Variants in ROBO2 observed in about 807,000 individuals in gnomAD.
ROBO2 encodes the protein roundabout homolog 2.
Under a neutral mutation model 160.8 loss-of-function variants are expected in ROBO2, and 53 were observed. The observed-to-expected ratio is 0.33, with a 90% CI of 0.26 to 0.41. The LOEUF is 0.41. Among genes scored for constraint, ROBO2 ranks in the 10% least tolerant of loss-of-function variants. The pLI is 1.00. For synonymous variants in ROBO2, 664 were observed against 611.7 expected (o/e 1.09, Z -1.26); for missense variants, 1,577 against 1,722.4 (o/e 0.92, Z 1.49).
At chr3:76,220,879 C>A (rs1204139286) in intron 2 of ROBO2, among the ~76,000 whole-genome samples, 3 of 152,188 alleles carry the variant, frequency 2.0e-5, no homozygotes, top group Non-Finnish European at 4.4e-5. Context: ...ACCACCCATT[C>A]TGTATTTCCT....
chr3:75,925,918 A>G (rs566809033), intron 1 of ROBO2, among the ~76,000 whole-genome samples: 56 of 152,340 alleles, frequency 3.7e-4, no homozygotes, highest in African/African-American at 1.3e-3. Context: ...CAAGATGTCT[A>G]ACTTGGTAAT....
At chr3:77,645,410 T>C (rs1034057550) in intron 25 of ROBO2, among the ~76,000 whole-genome samples, 2 of 152,180 alleles carry the variant, frequency 1.3e-5, no homozygotes, top group Non-Finnish European at 2.9e-5. Flanking sequence ...TTTCCATTTA[T>C]GAATGAAAAC....
chr3:76,230,169 C>T (rs1050652835), intron 2 of ROBO2, among the ~76,000 whole-genome samples: 1 of 152,132 alleles, frequency 6.6e-6, no homozygotes, highest in East Asian at 1.9e-4. Flanking sequence ...ACCACACATC[C>T]TTACATCACC....
chr3:77,100,191 AT>A (rs762278067), intron 2 of ROBO2, among the ~76,000 whole-genome samples: 1 of 151,798 alleles, frequency 6.6e-6, no homozygotes, highest in South Asian at 2.1e-4. Flanking sequence ...TGTGACAGTA[AT>A]TTTTTTTATT....
intron 2 of ROBO2, among the ~76,000 whole-genome samples, chr3:76,832,611 G>A (rs558692002): frequency 6.6e-6 from 1 of 152,116 alleles, no homozygotes; most frequent in Non-Finnish European, 1.5e-5. Flanking sequence ...GATGACCGCT[G>A]AAGGGTGGTA....
At chr3:76,403,146 C>T (rs903558528) in intron 2 of ROBO2, among the ~76,000 whole-genome samples, 1 of 151,322 alleles carries the variant, frequency 6.6e-6, no homozygotes, top group Non-Finnish European at 1.5e-5. Context: ...CTGTGGGGGG[C>T]CATTATTATG....
chr3:77,592,066 A>T (rs907883386), intron 17 of ROBO2, among the ~76,000 whole-genome samples: 3 of 152,238 alleles, frequency 2.0e-5, no homozygotes, highest in Admixed American at 6.5e-5. Flanking sequence ...TGAAGCATAA[A>T]GTAAAAAATG....
chr3:76,018,378 T>C (rs2107649613), intron 2 of ROBO2, among the ~76,000 whole-genome samples: 1 of 152,114 alleles, frequency 6.6e-6, no homozygotes, highest in East Asian at 1.9e-4. Flanking sequence ...ATTAAGTATA[T>C]AAGAATTAGC....
At chr3:76,024,716 T>A (rs2066682469) in intron 2 of ROBO2, among the ~76,000 whole-genome samples, 2 of 151,656 alleles carry the variant, frequency 1.3e-5, no homozygotes, top group Non-Finnish European at 3.0e-5. Context: ...TTGTGTTTTC[T>A]AATGTTGCAT....
intron 2 of ROBO2, among the ~76,000 whole-genome samples, chr3:76,798,312 GAAA>G (rs1553909519): frequency 1.2e-4 from 18 of 149,280 alleles, no homozygotes; most frequent in African/African-American, 4.5e-4. Flanking sequence ...AAGAAAGAAA[GAAA>G]AAAGAACGAA....
At chr3:77,553,888 ATCAAGTTAT>A (rs3073103) in intron 8 of ROBO2, among the ~76,000 whole-genome samples, 84,243 of 151,098 alleles carry the variant, frequency 0.56, 23,507 homozygotes, top group Middle Eastern at 0.68. Context: ...TGGAAGCTTT[ATCAAGTTAT>A]TCAAGTTATC....
intron 1 of ROBO2, among the ~76,000 whole-genome samples, chr3:77,094,365 T>C (rs2070754057): frequency 6.6e-6 from 1 of 152,248 alleles, no homozygotes; most frequent in Non-Finnish European, 1.5e-5. Context: ...TATATGGATA[T>C]GGCACATTTT....
chr3:76,646,182 A>T (rs9309748), intron 2 of ROBO2, among the ~76,000 whole-genome samples: 5,047 of 152,220 alleles, frequency 0.033, 275 homozygotes, highest in African/African-American at 0.12. Flanking sequence ...TGGAGTTTTC[A>T]TGGCTTTGGA....
rs2071377266 is a variant in ROBO2 at position 77,098,309 on chromosome 3, A to G, written c.357A>G (p.Ala119=). The change falls in exon 2 of 26, where the codon GCA becomes GCG. Residue 119 remains alanine (A), a synonymous_variant. Transcript: ENST00000461745. Reference sequence around the variant, plus strand: ...TTGCGAGGAACTATCTTGGTGAAGCAGTGAGTCGAAATGCGTCTCTGGAAG... The same window carrying G: ...TTGCGAGGAACTATCTTGGTGAAGCGGTGAGTCGAAATGCGTCTCTGGAAG... The G allele has an allele frequency of 6.2e-7, 1 of 1,614,248 alleles. No individual in the cohort carries two copies. The highest frequency in any genetic ancestry group is 1.3e-5 in the African/African-American group (1 of 75,064).
chr3:76,378,324 T>C (rs2076449053), intron 2 of ROBO2, among the ~76,000 whole-genome samples: 1 of 152,310 alleles, frequency 6.6e-6, no homozygotes, highest in Admixed American at 6.5e-5. Context: ...TAGGACTTGT[T>C]GATGTACAAG....
intron 2 of ROBO2, among the ~76,000 whole-genome samples, chr3:75,957,049 T>G (rs1400270745): frequency 6.6e-6 from 1 of 151,784 alleles, no homozygotes; most frequent in African/African-American, 2.4e-5. Flanking sequence ...AGTTTCTGTT[T>G]CATTATTAAT....
At chr3:76,440,692 G>A (rs2076885648) in intron 2 of ROBO2, among the ~76,000 whole-genome samples, 2 of 152,230 alleles carry the variant, frequency 1.3e-5, no homozygotes, top group East Asian at 1.9e-4. Flanking sequence ...GTGAAGGCCT[G>A]CTCCTGGAAT....
chr3:76,566,450 A>C (rs2108540115), intron 2 of ROBO2, among the ~76,000 whole-genome samples: 1 of 152,244 alleles, frequency 6.6e-6, no homozygotes, highest in South Asian at 2.1e-4. Context: ...TACTGTCTGG[A>C]ATCCCTACTT....
chr3:76,206,084 T>C (rs1002677209), intron 2 of ROBO2, among the ~76,000 whole-genome samples: 1 of 152,080 alleles, frequency 6.6e-6, no homozygotes, highest in Non-Finnish European at 1.5e-5. Flanking sequence ...ACTTCTCTGC[T>C]CTCTCTCTAC....
Sources: gnomAD v4.1 joint callset for allele counts (sites outside exome capture counted in the v4.1 genomes callset) on GRCh38, gnomAD v4.1.1 for gene constraint, MANE v1.5 for transcripts, NCBI Gene and HGNC (gene_info 2026-07-23, HGNC 2026-07-21) for gene names.